The following DNAAF2 variants were observed in gnomAD, a reference collection of about 807,000 sequenced individuals.
DNAAF2 encodes protein kintoun.
DNAAF2 carries 58 observed loss-of-function variants against 48.8 expected under a neutral mutation model. The ratio of observed to expected loss-of-function variants is 1.19; its 90% CI spans 0.96 to 1.48. DNAAF2 has a LOEUF of 1.48. DNAAF2 is among the 40% of genes most tolerant of loss of function. The pLI is 0.00. For synonymous variants in DNAAF2, 567 were observed against 481.2 expected, an observed-to-expected ratio of 1.18 and a Z score of -2.33; for missense variants, 1,241 against 1,116.1, an observed-to-expected ratio of 1.11 and a Z score of -1.59.
rs376557810 is a variant in DNAAF2 at position 49,634,467 on chromosome 14, T to A, written c.683A>T (p.Tyr228Phe). 1.3e-6 allele frequency: 2 copies of A among 1,571,136 alleles called. No homozygotes were observed. The highest frequency in any genetic ancestry group is 1.7e-6 in the Non-Finnish European group (2 of 1,163,790). The part of the protein sequence containing the change: ...KGPLPDFPYP[Y>F]QYPAAPGPRA... ...GGGCCCGGGGGCTGCCGGGTACTGG[T>A]AAGGGTAGGGGAAGTCCGGGAGAGG... The change falls in exon 1 of 3, where the codon TAC becomes TTC. Residue 228 changes from tyrosine (Y) to phenylalanine (F), a missense_variant. Transcript: ENST00000298292.
rs1433166302 is a variant in DNAAF2 at position 49,634,587 on chromosome 14, A to G, written c.563T>C (p.Leu188Pro). Residue 188 changes from leucine (L) to proline (P), a missense_variant, in exon 1 of 3, where the codon CTG becomes CCG. Physicochemically the swap from Leu to Pro is moderately conservative, Grantham distance 98 (BLOSUM62 -3). Coordinates refer to ENST00000298292, the MANE Select transcript of DNAAF2 (RefSeq NM_018139.3). ...TGGGGTCCCCTTATACTTGGCCTTC[A>G]GGGTCTTGGCATTCCTGCGGTCCAG... is the stretch of plus-strand genomic sequence containing the variant. ...VKLDRRNAKT[L>P]KAKYKGTPEA... 1 of 1,606,122 alleles carries G rather than the reference A, an allele frequency of 6.2e-7. No individual in the cohort carries two copies. Among genetic ancestry groups the G allele is most frequent in the East Asian group, 2.2e-5 (1 of 44,860 alleles).
rs562335055 is a variant in DNAAF2, at chr14:49,633,750, G to C, written c.1400C>G (p.Ser467Cys). The change falls in exon 1 of 3, where the codon TCC becomes TGC. Residue 467 changes from serine to cysteine, a missense_variant. Transcript: ENST00000298292. The stretch of plus-strand genomic sequence containing the variant: ...CAGGCTCCGGGAGGACAAACAAGGG[G>C]AGCCTCCGCCACCAGGTGAGTTTTC... ...GGENSPGGGG[S>C]PCLSSRSLAW... 6.3e-7 allele frequency: 1 copy of C among 1,592,694 alleles called. No homozygotes were observed. The highest frequency in any genetic ancestry group is 2.2e-5 in the East Asian group (1 of 44,692).
rs1324373988 is a variant in DNAAF2 at position 49,633,727 on chromosome 14, G to A, written c.1423C>T (p.Leu475=). The A allele has an allele frequency of 6.3e-7, 1 of 1,594,738 alleles. No homozygotes were observed. The highest frequency in any genetic ancestry group is 8.5e-7 in the Non-Finnish European group (1 of 1,170,210). Residue 475 remains leucine, a synonymous_variant, in exon 1 of 3, where the codon CTG becomes TTG. Coordinates refer to ENST00000298292, the MANE Select transcript of DNAAF2 (RefSeq NM_018139.3). Reference sequence around the variant, plus strand: ...CTTCCCGCAGAAGAACCCCACGCCAGGCTCCGGGAGGACAAACAAGGGGAG... The same window carrying A: ...CTTCCCGCAGAAGAACCCCACGCCAAGCTCCGGGAGGACAAACAAGGGGAG... ...GGSPCLSSRS[L]AWGSSAGRES...
chr14:49,627,024 G>A (rs953564467), intron 2 of DNAAF2, among the ~76,000 whole-genome samples: 30 of 151,800 alleles, frequency 2.0e-4, no homozygotes, highest in African/African-American at 5.8e-4. Context: ...GGCTAGTCTC[G>A]AACTCCTGAC....
In DNAAF2 at chr14:49,633,755, TCCG is replaced by T; in HGVS notation, c.1392_1394del (p.Gly466del). On this transcript the variant is annotated inframe_deletion, in exon 1 of 3. Transcript: ENST00000298292. Reference sequence around the variant, plus strand: ...TCCGGGAGGACAAACAAGGGGAGCCTCCGCCACCAGGTGAGTTTTCTCCTCCAG... The same window carrying T: ...TCCGGGAGGACAAACAAGGGGAGCCTCCACCAGGTGAGTTTTCTCCTCCAG... 1 of 1,591,514 alleles carries T rather than the reference TCCG, an allele frequency of 6.3e-7. No homozygotes were observed. Among genetic ancestry groups the T allele is most frequent in the African/African-American group, 1.3e-5 (1 of 74,506 alleles).
At position 49,634,031 on chromosome 14, in the gene DNAAF2, G is replaced by C. The variant is rs1227922342; in HGVS notation, c.1119C>G (p.Ser373=). The C allele has an allele frequency of 2.6e-6, 4 of 1,520,974 alleles. No individual in the cohort carries two copies. The highest frequency in any genetic ancestry group is 2.2e-4 in the Middle Eastern group (1 of 4,536). 94.2% of individuals were successfully genotyped at this position (1,520,974 alleles called of 1,614,324 possible). A position where few individuals can be genotyped will look rare whatever the true frequency, so the allele number is the denominator to read the frequency against. The stretch of plus-strand genomic sequence containing the variant: ...AAGCGCAGGCCTGGCCGTCAGTTCC[G>C]GACCGGTCCGCGGACTCTTCCGGCG... The part of the protein sequence containing the change: ...AAAPEESADR[S]GTDGQACASA... The change falls in exon 1 of 3, where the codon TCC becomes TCG. Residue 373 remains serine (S), a synonymous_variant. Transcript: ENST00000298292.
Position 49,626,760 on chromosome 14 carries a change from A to T in DNAAF2, c.2008-712T>A, listed in dbSNP as rs1470836454. On this transcript the variant is annotated intron_variant, in intron 2 of 2. Transcript: ENST00000298292. ...CTCAAATGATCCACAAAGTGCTGGG[A>T]TTACAGGTATGAGCCATCACGACTA... 2.3e-5 allele frequency among the ~76,000 whole-genome samples: 3 copies of T among 132,430 alleles called. No homozygotes were observed. In the East Asian group the frequency reaches 7.5e-4, roughly 33 times the overall value. 86.9% of individuals were successfully genotyped at this position (132,430 alleles called of 152,430 possible).
In DNAAF2 at chr14:49,633,545, A is replaced by C. The variant is rs754820834; in HGVS notation, c.1605T>G (p.Thr535=). ...GGATCCGAGGCACCTGAATGAGCAG[A>C]GTCAAGGTTTCTTTGTCCTGATTAC... ...LLCNQDKETL[T]LLIQVPRIQP... Residue 535 remains threonine (T), a synonymous_variant, in exon 1 of 3, where the codon ACT becomes ACG. Coordinates refer to ENST00000298292, the MANE Select transcript of DNAAF2 (RefSeq NM_018139.3). The C allele has an allele frequency of 5.6e-6, 9 of 1,614,040 alleles. No individual in the cohort carries two copies. Among genetic ancestry groups the C allele is most frequent in the East Asian group, 4.5e-5 (2 of 44,884 alleles).
chr14:49,631,112 T>C (rs1412691522), intron 1 of DNAAF2, among the ~76,000 whole-genome samples: 1 of 152,126 alleles, frequency 6.6e-6, no homozygotes, highest in Non-Finnish European at 1.5e-5. Flanking sequence ...AAAGTGAACC[T>C]TGGGAATAGA....
At position 49,635,139 on chromosome 14, in the gene DNAAF2, G is replaced by T. The variant is rs1367568045; in HGVS notation, c.11C>A (p.Ala4Glu). ...GTCCTCCAGCGACGAGGAGGCCGCC[G>T]CTTTGGCCATACTGTCCTGTGGCTC... is the stretch of plus-strand genomic sequence containing the variant. MAK[A>E]AASSSLEDLD... Residue 4 changes from alanine to glutamate, a missense_variant, in exon 1 of 3, where the codon GCG becomes GAG. Transcript: ENST00000298292. 6.4e-7 allele frequency: 1 copy of T among 1,559,302 alleles called. No individual in the cohort carries two copies. The highest frequency in any genetic ancestry group is 1.9e-5 in the Admixed American group (1 of 52,092).
intron 1 of DNAAF2, among the ~76,000 whole-genome samples, chr14:49,631,408 G>A (rs1392688173): frequency 6.6e-6 from 1 of 152,106 alleles, no homozygotes; most frequent in Non-Finnish European, 1.5e-5. Context: ...GGTGGATCAC[G>A]AGGTCAGGAG....
chr14:49,628,023 T>C lies in DNAAF2; in HGVS notation c.1996A>G (p.Ile666Val). The change falls in exon 2 of 3, where the codon ATT (isoleucine) becomes GTT (valine). Residue 666 changes from isoleucine to valine, a missense_variant. Physicochemically the swap from Ile to Val is conservative, Grantham distance 29. Transcript: ENST00000298292. Reference protein sequence around the residue: ...VLQVTDNKIQINAKLQECSNS... With the variant: ...VLQVTDNKIQVNAKLQECSNS... The stretch of plus-strand genomic sequence containing the variant: ...ATCAACTTCCTTACCTTTGCATTAA[T>C]TTGAATCTTATTATCAGTAACTTGA... The C allele has an allele frequency of 6.4e-7, 1 of 1,567,776 alleles. No individual in the cohort carries two copies. The highest frequency in any genetic ancestry group is 8.7e-7 in the Non-Finnish European group (1 of 1,155,058).
chr14:49,634,034 C>A lies in DNAAF2; in HGVS notation c.1116G>T (p.Arg372=). 1 of 1,521,010 alleles carries A rather than the reference C, an allele frequency of 6.6e-7. No homozygotes were observed. Among genetic ancestry groups the A allele is most frequent in the Non-Finnish European group, 8.8e-7 (1 of 1,139,468 alleles). The allele number at this position is 1,521,010 out of a possible 1,614,324, so 94.2% of individuals were successfully genotyped here. Residue 372 remains arginine, a synonymous_variant, in exon 1 of 3, where the codon CGG becomes CGT. Transcript: ENST00000298292. Reference sequence around the variant, plus strand: ...CGCAGGCCTGGCCGTCAGTTCCGGACCGGTCCGCGGACTCTTCCGGCGCGG... The same window carrying A: ...CGCAGGCCTGGCCGTCAGTTCCGGAACGGTCCGCGGACTCTTCCGGCGCGG... ...AAAAPEESAD[R]SGTDGQACAS...
Position 49,634,052 on chromosome 14 carries a change from C to T in DNAAF2, c.1098G>A (p.Pro366=). 1 of 1,519,882 alleles carries T rather than the reference C, an allele frequency of 6.6e-7. No homozygotes were observed. The highest frequency in any genetic ancestry group is 1.4e-5 in the African/African-American group (1 of 72,224). 94.1% of individuals were successfully genotyped at this position (1,519,882 alleles called of 1,614,324 possible). ...TTCCGGACCGGTCCGCGGACTCTTC[C>T]GGCGCGGCGGCGGCGACGGCGACAG... ...EPAVAVAAAA[P]EESADRSGTD... is the part of the protein sequence containing the mutation. Residue 366 remains proline (P), a synonymous_variant, in exon 1 of 3, where the codon CCG becomes CCA. Transcript: ENST00000298292.
Position 49,634,896 on chromosome 14 carries a change from G to T in DNAAF2, c.254C>A (p.Ala85Glu). ...GCAGACATTCACAAAGCAGCGCCGC[G>T]CCCCGTCCAGGCTGGTGCGCAGCAC... is the stretch of plus-strand genomic sequence containing the variant. ...GHVLRTSLDG[A>E]RRCFVNVCSN... is the part of the protein sequence containing the mutation. The change falls in exon 1 of 3, where the codon GCG becomes GAG. Residue 85 changes from alanine to glutamate, a missense_variant. Coordinates refer to ENST00000298292, the MANE Select transcript of DNAAF2 (RefSeq NM_018139.3). The T allele has an allele frequency of 6.5e-7, 1 of 1,550,200 alleles. No individual in the cohort carries two copies. Among genetic ancestry groups the T allele is most frequent in the Non-Finnish European group, 8.7e-7 (1 of 1,146,726 alleles).
chr14:49,625,926 T>A lies in DNAAF2; in HGVS notation c.2130A>T (p.Ser710=). 6.2e-7 allele frequency: 1 copy of A among 1,613,574 alleles called. No individual in the cohort carries two copies. The highest frequency in any genetic ancestry group is 8.5e-7 in the Non-Finnish European group (1 of 1,179,768). ...TTTGTAGTGCTTTAACTGCTATAGA[T>A]GAATCAGAATCAGTTGTAGGGGTGT... is the stretch of plus-strand genomic sequence containing the variant. The part of the protein sequence containing the change: ...HCNTPTTDSD[S]SIAVKALQID... Residue 710 remains serine (S), a synonymous_variant, in exon 3 of 3, where the codon TCA becomes TCT. Coordinates refer to ENST00000298292, the MANE Select transcript of DNAAF2 (RefSeq NM_018139.3).
intron 2 of DNAAF2, 124 bp downstream of exon 2, chr14:49,627,888 A>T: frequency 3.9e-6 from 4 of 1,021,292 alleles, no homozygotes; most frequent in South Asian, 1.9e-5. Flanking sequence ...TTCTTCTCTT[A>T]ACATCACTCT....
intron 1 of DNAAF2, among the ~76,000 whole-genome samples, chr14:49,631,321 T>C (rs1049598282): frequency 5.9e-5 from 9 of 152,172 alleles, no homozygotes; most frequent in Non-Finnish European, 1.3e-4. Flanking sequence ...GACATGGTTA[T>C]GATTAAAATA....
rs1393464338 is a variant in DNAAF2 at position 49,635,136 on chromosome 14, G to T, written c.14C>A (p.Ala5Glu). The change falls in exon 1 of 3, where the codon GCG (alanine) becomes GAG (glutamate). Residue 5 changes from alanine (A) to glutamate (E), a missense_variant. Physicochemically the swap from Ala to Glu is moderately radical, Grantham distance 107 (BLOSUM62 -1). Transcript: ENST00000298292. ...CAAGTCCTCCAGCGACGAGGAGGCC[G>T]CCGCTTTGGCCATACTGTCCTGTGG... MAKAAASSSLEDLDL... is the reference protein window; with the variant it reads MAKAEASSSLEDLDL... 7 of 1,559,362 alleles carry T rather than the reference G, an allele frequency of 4.5e-6. No individual in the cohort carries two copies. The highest frequency in any genetic ancestry group is 5.2e-6 in the Non-Finnish European group (6 of 1,152,170).
Sources: gnomAD v4.1 joint callset for allele counts (sites outside exome capture counted in the v4.1 genomes callset) on GRCh38, gnomAD v4.1.1 for gene constraint, MANE v1.5 for transcripts, NCBI Gene and HGNC (gene_info 2026-07-23, HGNC 2026-07-21) for gene names.